HCN1: variants seen among roughly 807,000 people sequenced by gnomAD.
HCN1 encodes the protein hyperpolarization activated cyclic nucleotide gated potassium channel 1.
In HCN1, 13 loss-of-function variants were observed where a neutral mutation model predicts 78.9. That is an observed-to-expected ratio of 0.16 (90% CI 0.11 to 0.26). The LOEUF (loss-of-function observed/expected upper bound fraction) is 0.26, where lower values mean the gene tolerates loss of function less well. HCN1 is among the 10% of genes least tolerant of loss of function. HCN1 has a pLI of 1.00. For synonymous variants in HCN1, 552 were observed against 455.5 expected, an observed-to-expected ratio of 1.21 and a Z score of -2.70; for missense variants, 810 against 1,154.3, an observed-to-expected ratio of 0.70 and a Z score of 4.32.
chr5:45,479,063 G>A (rs1313174190), intron 2 of HCN1, among the ~76,000 whole-genome samples: 3 of 151,804 alleles, frequency 2.0e-5, no homozygotes, highest in East Asian at 1.9e-4. Flanking sequence ...GGAGGCAGAG[G>A]TTGCAGTGAA....
At chr5:45,337,252 A>G (rs1481236424) in intron 5 of HCN1, among the ~76,000 whole-genome samples, 7 of 151,968 alleles carry the variant, frequency 4.6e-5, no homozygotes, top group Admixed American at 4.6e-4. Context: ...AGTTAAAAAG[A>G]AACTATTTTT....
intron 2 of HCN1, among the ~76,000 whole-genome samples, chr5:45,517,327 T>C (rs886817962): frequency 6.6e-6 from 1 of 151,840 alleles, no homozygotes; most frequent in African/African-American, 2.4e-5. Flanking sequence ...TTGATTCTAC[T>C]TTTTGGATGA....
chr5:45,609,047 G>A (rs1384802010), intron 2 of HCN1, among the ~76,000 whole-genome samples: 1 of 152,070 alleles, frequency 6.6e-6, no homozygotes, highest in Admixed American at 6.6e-5. Flanking sequence ...TCAAGTCAGA[G>A]TGGCAAAAAT....
At chr5:45,411,138 C>G (rs1193914960) in intron 3 of HCN1, among the ~76,000 whole-genome samples, 2 of 151,948 alleles carry the variant, frequency 1.3e-5, no homozygotes, top group South Asian at 2.1e-4. Flanking sequence ...TTGAGTCTCT[C>G]TGTGTGTGTA....
chr5:45,314,734 A>G (rs1745941040), intron 5 of HCN1, among the ~76,000 whole-genome samples: 1 of 152,170 alleles, frequency 6.6e-6, no homozygotes, highest in Admixed American at 6.5e-5. Context: ...CCAAGCAAAT[A>G]GAAAACAAAA....
chr5:45,426,704 C>T (rs187163571), intron 3 of HCN1, among the ~76,000 whole-genome samples: 11 of 152,174 alleles, frequency 7.2e-5, no homozygotes, highest in East Asian at 3.9e-4. Flanking sequence ...AGCATGAGAA[C>T]GAACTAATAC....
At chr5:45,282,885 A>C (rs1745195417) in intron 6 of HCN1, among the ~76,000 whole-genome samples, 1 of 152,194 alleles carries the variant, frequency 6.6e-6, no homozygotes, top group Admixed American at 6.6e-5. Flanking sequence ...TATTGATTTA[A>C]ATAAAATATT....
chr5:45,272,127 T>C (rs1368071556), intron 6 of HCN1, among the ~76,000 whole-genome samples: 1 of 152,112 alleles, frequency 6.6e-6, no homozygotes, highest in African/African-American at 2.4e-5. Flanking sequence ...ATTTCATGAA[T>C]TGAATGTCCA....
At chr5:45,603,138 TATA>T (rs1484962637) in intron 2 of HCN1, among the ~76,000 whole-genome samples, 2 of 152,102 alleles carry the variant, frequency 1.3e-5, no homozygotes, top group East Asian at 3.9e-4. Context: ...AAACACAACC[TATA>T]ATATTGTAGG....
chr5:45,374,038 AATATATAT>A (rs1561130071), intron 4 of HCN1, among the ~76,000 whole-genome samples: 7 of 89,354 alleles, frequency 7.8e-5, no homozygotes, highest in Middle Eastern at 0.016. Flanking sequence ...TTATATACAT[AATATATAT>A]TATATATATT....
chr5:45,627,998 G>C (rs1322730492), intron 2 of HCN1, among the ~76,000 whole-genome samples: 3 of 152,074 alleles, frequency 2.0e-5, no homozygotes, highest in African/African-American at 7.2e-5. Context: ...TTTTATTCGT[G>C]AATTCTACAA....
chr5:45,572,961 T>C (rs1223081109), intron 2 of HCN1, among the ~76,000 whole-genome samples: 2 of 152,070 alleles, frequency 1.3e-5, no homozygotes, highest in African/African-American at 4.8e-5. Context: ...TTTTTTAAGG[T>C]CGTCAGGAAA....
chr5:45,619,540 A>AAATG (rs1745019050), intron 2 of HCN1, among the ~76,000 whole-genome samples: 1 of 152,144 alleles, frequency 6.6e-6, no homozygotes, highest in African/African-American at 2.4e-5. Context: ...ACGCTGATGT[A>AAATG]AATGAATGAA....
intron 4 of HCN1, among the ~76,000 whole-genome samples, chr5:45,383,789 T>C (rs2112028036): frequency 6.6e-6 from 1 of 152,236 alleles, no homozygotes; most frequent in South Asian, 2.1e-4. Context: ...TAACTTGGGT[T>C]ATTTCCAGAT....
At chr5:45,616,137 C>G (rs1295846684) in intron 2 of HCN1, among the ~76,000 whole-genome samples, 1 of 148,476 alleles carries the variant, frequency 6.7e-6, no homozygotes, top group Non-Finnish European at 1.5e-5. Context: ...TATTGGAAGA[C>G]TGGCAGTTCA....
intron 3 of HCN1, among the ~76,000 whole-genome samples, chr5:45,442,637 C>A (rs1347050734): frequency 6.6e-6 from 1 of 151,798 alleles, no homozygotes; most frequent in Non-Finnish European, 1.5e-5. Flanking sequence ...CAATAAAAAA[C>A]ATCTGAATAT....
chr5:45,446,126 G>A (rs1273417760), intron 3 of HCN1, among the ~76,000 whole-genome samples: 1 of 152,174 alleles, frequency 6.6e-6, no homozygotes, highest in Non-Finnish European at 1.5e-5. Flanking sequence ...AGGCAAAGAA[G>A]TTGAAAACTT....
intron 4 of HCN1, among the ~76,000 whole-genome samples, chr5:45,364,080 A>G (rs1579841619): frequency 6.6e-6 from 1 of 152,084 alleles, no homozygotes; most frequent in Non-Finnish European, 1.5e-5. Context: ...CTCCTAAGAC[A>G]TCTTTTCCTG....
chr5:45,330,526 GTA>G (rs1225259221), intron 5 of HCN1, among the ~76,000 whole-genome samples: 1 of 150,366 alleles, frequency 6.7e-6, no homozygotes, highest in Non-Finnish European at 1.5e-5. Flanking sequence ...ATGTATATGT[GTA>G]TATATATGTA....
Sources: gnomAD v4.1 joint callset for allele counts (sites outside exome capture counted in the v4.1 genomes callset) on GRCh38, gnomAD v4.1.1 for gene constraint, MANE v1.5 for transcripts, NCBI Gene and HGNC (gene_info 2026-07-23, HGNC 2026-07-21) for gene names.